Variants in FBXL17 observed in about 807,000 individuals in gnomAD.
FBXL17 encodes the protein F-box and leucine rich repeat protein 17.
Under a neutral mutation model 66.2 loss-of-function variants are expected in FBXL17, and 22 were observed. The ratio of observed to expected loss-of-function variants is 0.33; its 90% CI spans 0.24 to 0.47. The LOEUF is 0.47. Among genes scored for constraint, FBXL17 ranks in the 20% least tolerant of loss-of-function variants. The probability of loss-of-function intolerance (pLI) is 1.00; values close to 1 mark genes in which losing one functional copy is unlikely to be tolerated. For missense variants in FBXL17, 878 were observed against 948.2 expected (o/e 0.93, Z 0.97); for synonymous variants, 474 against 400.5 (o/e 1.18, Z -2.19).
chr5:108,336,929 A>G (rs1760410972), intron 4 of FBXL17, among the ~76,000 whole-genome samples: 2 of 152,158 alleles, frequency 1.3e-5, no homozygotes, highest in Admixed American at 6.5e-5. Flanking sequence ...TGTCTCATTT[A>G]AAATGTGATT....
At chr5:108,288,155 T>C (rs1186635664) in intron 4 of FBXL17, among the ~76,000 whole-genome samples, 1 of 151,876 alleles carries the variant, frequency 6.6e-6, no homozygotes, top group Non-Finnish European at 1.5e-5. Context: ...AACTACCTTG[T>C]ATCAGGCGCT....
chr5:108,150,995 C>T (rs1425126108), intron 6 of FBXL17, among the ~76,000 whole-genome samples: 1 of 152,158 alleles, frequency 6.6e-6, no homozygotes, highest in East Asian at 1.9e-4. Context: ...GTCTCTTATT[C>T]CTTTTGGTTG....
intron 6 of FBXL17, among the ~76,000 whole-genome samples, chr5:108,079,152 CTT>C (rs1426815111): frequency 2.4e-4 from 34 of 142,588 alleles, no homozygotes; most frequent in African/African-American, 7.7e-4. Flanking sequence ...CCTAACCTCT[CTT>C]TCTTTTTTTT....
intron 8 of FBXL17, among the ~76,000 whole-genome samples, chr5:107,863,202 T>C (rs763359495): frequency 1.3e-5 from 2 of 151,416 alleles, no homozygotes; most frequent in Non-Finnish European, 3.0e-5. Context: ...ATGAATTTAA[T>C]ATAATTTAAA....
At chr5:107,914,196 A>G (rs1261327070) in intron 7 of FBXL17, among the ~76,000 whole-genome samples, 9 of 152,192 alleles carry the variant, frequency 5.9e-5, no homozygotes, top group Non-Finnish European at 1.0e-4. Flanking sequence ...CAGAGAGTAT[A>G]GTCAATTTAA....
intron 4 of FBXL17, among the ~76,000 whole-genome samples, chr5:108,233,295 T>G (rs530652973): frequency 5.3e-5 from 8 of 152,180 alleles, no homozygotes; most frequent in Non-Finnish European, 1.2e-4. Context: ...GAAATAAAGG[T>G]AAAGGTTCAT....
At chr5:107,916,511 G>T (rs369462843) in intron 7 of FBXL17, among the ~76,000 whole-genome samples, 144 of 152,148 alleles carry the variant, frequency 9.5e-4, no homozygotes, top group African/African-American at 3.4e-3. Flanking sequence ...CTAAATAAAG[G>T]TATTTGGAAT....
chr5:108,087,221 A>G (rs1368844158), intron 6 of FBXL17, among the ~76,000 whole-genome samples: 1 of 152,214 alleles, frequency 6.6e-6, no homozygotes, highest in African/African-American at 2.4e-5. Flanking sequence ...TTGTAACATA[A>G]AAGATCCAAA....
chr5:108,377,811 A>T (rs894374007), intron 1 of FBXL17, among the ~76,000 whole-genome samples: 2 of 152,204 alleles, frequency 1.3e-5, no homozygotes, highest in Admixed American at 6.5e-5. Context: ...GATGGCCTAG[A>T]TCATTTTTTA....
rs765399250 is a variant in FBXL17 at position 108,002,182 on chromosome 5, ATTTTTT to A, written c.1822+18737_1822+18742del. Among the ~76,000 whole-genome samples, 900 of 109,466 alleles carry A rather than the reference ATTTTTT, an allele frequency of 8.2e-3. 25 individuals carry two copies. The highest frequency in any genetic ancestry group is 0.035 in the African/African-American group (773 of 22,316). 71.8% of individuals were successfully genotyped at this position (109,466 alleles called of 152,430 possible). The stretch of plus-strand genomic sequence containing the variant: ...TGGCACACACCACCACACCCAGCTA[ATTTTTT>A]TTTTTTTTTTTTTTTTAGTAGAGAC... On this transcript the variant is annotated intron_variant, in intron 7 of 8. Coordinates refer to ENST00000542267, the MANE Select transcript of FBXL17 (RefSeq NM_001163315.3).
At chr5:108,289,634 G>A (rs1758031595) in intron 4 of FBXL17, among the ~76,000 whole-genome samples, 1 of 152,126 alleles carries the variant, frequency 6.6e-6, no homozygotes, top group Non-Finnish European at 1.5e-5. Context: ...GGGAAGCAGA[G>A]AGGAAACAGG....
chr5:108,356,164 A>G (rs1747973485), intron 3 of FBXL17, among the ~76,000 whole-genome samples: 1 of 152,172 alleles, frequency 6.6e-6, no homozygotes, highest in South Asian at 2.1e-4. Context: ...ATGATAAAGG[A>G]GTCAACACTC....
intron 5 of FBXL17, among the ~76,000 whole-genome samples, chr5:108,200,622 T>C (rs527434031): frequency 6.7e-6 from 1 of 150,036 alleles, no homozygotes; most frequent in South Asian, 2.1e-4. Context: ...GGGCCTCTGA[T>C]AAAACACAAT....
chr5:108,126,535 T>C (rs901381953), intron 6 of FBXL17, among the ~76,000 whole-genome samples: 4 of 151,194 alleles, frequency 2.6e-5, no homozygotes, highest in African/African-American at 9.7e-5. Context: ...CAGTTTATAT[T>C]TTTACCATCA....
At chr5:108,208,235 T>G (rs1488856411) in intron 5 of FBXL17, among the ~76,000 whole-genome samples, 1 of 152,226 alleles carries the variant, frequency 6.6e-6, no homozygotes, top group Non-Finnish European at 1.5e-5. Flanking sequence ...ATGGATAGAT[T>G]GCAAAAATCT....
At chr5:108,166,602 T>C (rs1752426015) in intron 6 of FBXL17, among the ~76,000 whole-genome samples, 1 of 152,078 alleles carries the variant, frequency 6.6e-6, no homozygotes, top group Non-Finnish European at 1.5e-5. Flanking sequence ...TGGACCCAGA[T>C]GATATATGAA....
At chr5:108,203,184 C>CT (rs561569295) in intron 5 of FBXL17, among the ~76,000 whole-genome samples, 14 of 149,060 alleles carry the variant, frequency 9.4e-5, no homozygotes, top group African/African-American at 2.0e-4. Flanking sequence ...TTTTAATTAG[C>CT]TTTTTTTTTT....
rs1031139194 is a variant in FBXL17, at chr5:107,859,108, A to C, written c.*2612T>G. The C allele has an allele frequency of 6.6e-6, 1 of 152,186 alleles. No homozygotes were observed. Among genetic ancestry groups the C allele is most frequent in the Admixed American group, 6.5e-5 (1 of 15,280 alleles). The allele number at this position is 152,186 out of a possible 1,614,324, so 9.4% of individuals were successfully genotyped here. On this transcript the variant is annotated 3_prime_UTR_variant, in exon 9 of 9. Transcript: ENST00000542267. The stretch of plus-strand genomic sequence containing the variant: ...AAATATAGAAACTACAAACCGGGTG[A>C]ATTTTCTTTATCCACTCAAAAAGAC...
chr5:108,038,630 A>G (rs191335644), intron 6 of FBXL17, among the ~76,000 whole-genome samples: 1 of 152,208 alleles, frequency 6.6e-6, no homozygotes, highest in Admixed American at 6.5e-5. Flanking sequence ...GAGCAATTTA[A>G]TTGAATGTTA....
Sources: allele counts gnomAD v4.1 joint callset (sites outside exome capture counted in the v4.1 genomes callset), GRCh38; gene constraint gnomAD v4.1.1; transcripts MANE v1.5; gene names NCBI Gene and HGNC (gene_info 2026-07-23, HGNC 2026-07-21).